Variants in TMEM43 observed in about 807,000 individuals in gnomAD.
TMEM43 encodes transmembrane protein 43.
In TMEM43, 45 loss-of-function variants were observed where a neutral mutation model predicts 49.6. That is an observed-to-expected ratio of 0.91 (90% CI 0.71 to 1.16). The LOEUF (loss-of-function observed/expected upper bound fraction) is 1.16. Ranked by LOEUF, TMEM43 falls within the 50% of genes most tolerant of loss-of-function variation. The pLI is 0.00. For missense variants in TMEM43, 532 were observed against 516.6 expected (o/e 1.03, Z -0.29); for synonymous variants, 199 against 207.8 (o/e 0.96, Z 0.36).
chr3:14,132,300 G>A (rs1695106459), intron 4 of TMEM43, among the ~76,000 whole-genome samples: 1 of 152,012 alleles, frequency 6.6e-6, no homozygotes, highest in African/African-American at 2.4e-5. Context: ...TTGGTGTAAG[G>A]CCAGTGCGGG....
At chr3:14,135,770 G>A (rs751999157) in intron 9 of TMEM43, 37 bp from the exon 10 acceptor site, 1 of 1,578,504 alleles carries the variant, frequency 6.3e-7, no homozygotes, top group East Asian at 2.2e-5. Flanking sequence ...TCTCCCGCTG[G>A]TCACCCCTCA....
chr3:14,126,789 G>C (rs1454904210), intron 1 of TMEM43, among the ~76,000 whole-genome samples: 2 of 152,178 alleles, frequency 1.3e-5, no homozygotes, highest in Non-Finnish European at 2.9e-5. Flanking sequence ...CAGTAGCTGA[G>C]TACACATTTA....
chr3:14,134,190 G>A (rs1169925291), intron 7 of TMEM43, among the ~76,000 whole-genome samples: 3 of 152,198 alleles, frequency 2.0e-5, no homozygotes, highest in Non-Finnish European at 4.4e-5. Context: ...CCCCCTCTCT[G>A]AGTTCCACCT....
chr3:14,142,537 G>C lies in TMEM43; in HGVS notation c.*742G>C, dbSNP rs1695264514. ...GTGTACTTTCCTACCCCAAGAGGAA[G>C]TTTTCTGAAATAAGATTTAAAAACA... is the stretch of plus-strand genomic sequence containing the variant. On this transcript the variant is annotated 3_prime_UTR_variant, in exon 12 of 12. Transcript: ENST00000306077. 6.6e-6 allele frequency: 1 copy of C among 152,384 alleles called. No homozygotes were observed. Among genetic ancestry groups the C allele is most frequent in the African/African-American group, 2.4e-5 (1 of 41,410 alleles). 9.4% of individuals were successfully genotyped at this position (152,384 alleles called of 1,614,324 possible).
At position 14,135,804 on chromosome 3, in the gene TMEM43, C is replaced by A. The variant is rs780142044; in HGVS notation, c.781-3C>A. On this transcript the variant is annotated splice_region_variant and splice_polypyrimidine_tract_variant and intron_variant, in intron 9 of 11. Transcript: ENST00000306077. ...CAGCTCTAACACCAGGTCCTCTGAC[C>A]AGGTCACTGTGATTGCCCGGCAGCG... is the stretch of plus-strand genomic sequence containing the variant. 1 of 1,612,722 alleles carries A rather than the reference C, an allele frequency of 6.2e-7. No homozygotes were observed. The highest frequency in any genetic ancestry group is 1.7e-5 in the Admixed American group (1 of 60,022).
At chr3:14,137,735 T>C (rs1175349061) in intron 10 of TMEM43, 1 of 152,314 alleles carries the variant, frequency 6.6e-6, no homozygotes, top group Non-Finnish European at 1.5e-5. Context: ...GCCTGTTTCC[T>C]CATTTGTGAA....
Position 14,129,395 on chromosome 3 carries a change from T to G in TMEM43, c.13-17T>G. 1 of 1,605,190 alleles carries G rather than the reference T, an allele frequency of 6.2e-7. No homozygotes were observed. Among genetic ancestry groups the G allele is most frequent in the East Asian group, 2.2e-5 (1 of 44,704 alleles). On this transcript the variant is annotated splice_polypyrimidine_tract_variant and intron_variant, in intron 1 of 11. Transcript: ENST00000306077. ...TAAAAACTAGTTTTCATTCTGTTACTGTTTCTTTTTCTTCAGTATTCCAGT... is the reference window on the plus strand; with the variant it reads ...TAAAAACTAGTTTTCATTCTGTTACGGTTTCTTTTTCTTCAGTATTCCAGT...
intron 9 of TMEM43, 84 bp downstream of exon 9, chr3:14,135,316 G>A (rs1042840690): frequency 3.0e-5 from 35 of 1,156,336 alleles, no homozygotes; most frequent in Admixed American, 7.5e-5. Context: ...TGTCAGGAGC[G>A]CTTGGACCCC....
At position 14,142,993 on chromosome 3, in the gene TMEM43, T is replaced by G. The variant is rs1442577108; in HGVS notation, c.*1198T>G. 6.6e-6 allele frequency: 1 copy of G among 152,146 alleles called. No individual in the cohort carries two copies. Among genetic ancestry groups the G allele is most frequent in the Non-Finnish European group, 1.5e-5 (1 of 68,060 alleles). The allele number at this position is 152,146 out of a possible 1,614,324, so 9.4% of individuals were successfully genotyped here. ...CTGCCTGGCTGCTTTCACCTGGGAG[T>G]GCTTTCGATGTGGGCACCTGGGCTT... On this transcript the variant is annotated 3_prime_UTR_variant, in exon 12 of 12. Transcript: ENST00000306077.
At chr3:14,141,138 AATC>A (rs1695240404) in intron 11 of TMEM43, among the ~76,000 whole-genome samples, 1 of 152,180 alleles carries the variant, frequency 6.6e-6, no homozygotes, top group Non-Finnish European at 1.5e-5. Flanking sequence ...TGGGCACATA[AATC>A]ATTAGTAACA....
chr3:14,130,849 T>A lies in TMEM43; in HGVS notation c.190T>A (p.Leu64Met). ...CCGCGCATTGAAGACGGCAACCTCA[T>A]TGGCTGAGGGGCTCTCGCTTGTGGT... ...EGRALKTATS[L>M]AEGLSLVVSP... The change falls in exon 3 of 12, where the codon TTG becomes ATG. Residue 64 changes from leucine (L) to methionine (M), a missense_variant. By Grantham distance (15) the Leu-to-Met change is conservative (BLOSUM62 2). Transcript: ENST00000306077. 3.1e-6 allele frequency: 5 copies of A among 1,613,852 alleles called. No homozygotes were observed. Among genetic ancestry groups the A allele is most frequent in the Non-Finnish European group, 4.2e-6 (5 of 1,179,886 alleles).
At chr3:14,125,280 G>C (rs974519399) in intron 1 of TMEM43, 75 bp downstream of exon 1, 1 of 1,536,190 alleles carries the variant, frequency 6.5e-7, no homozygotes, top group Non-Finnish European at 8.8e-7. Flanking sequence ...GGGTCCTCTA[G>C]GTCCATTTCG....
intron 10 of TMEM43, among the ~76,000 whole-genome samples, chr3:14,136,596 G>C (rs918095655): frequency 6.6e-6 from 1 of 152,138 alleles, no homozygotes; most frequent in Admixed American, 6.5e-5. Flanking sequence ...AAGAATCAGT[G>C]ATCAGTCAGT....
chr3:14,141,778 G>A lies in TMEM43; in HGVS notation c.1186G>A (p.Ala396Thr), dbSNP rs1695251701. 6.2e-7 allele frequency: 1 copy of A among 1,613,548 alleles called. No individual in the cohort carries two copies. The highest frequency in any genetic ancestry group is 8.5e-7 in the Non-Finnish European group (1 of 1,179,984). The change falls in exon 12 of 12, where the codon GCC (alanine) becomes ACC (threonine). Residue 396 changes from alanine (A) to threonine (T), a missense_variant. Physicochemically the swap from Ala to Thr is moderately conservative, Grantham distance 58. Transcript: ENST00000306077. ...CCTTGTTGCTCGGACACGGGTGCCAGCCAAAAAGTTGGAGTGAAAAGACCC... is the reference window on the plus strand; with the variant it reads ...CCTTGTTGCTCGGACACGGGTGCCAACCAAAAAGTTGGAGTGAAAAGACCC... ...PILVARTRVPAKKLE is the reference protein window; with the variant it reads ...PILVARTRVPTKKLE
intron 3 of TMEM43, among the ~76,000 whole-genome samples, chr3:14,131,320 C>T (rs1037187744): frequency 1.3e-5 from 2 of 152,232 alleles, no homozygotes; most frequent in African/African-American, 4.8e-5. Context: ...TATTTGAACA[C>T]CCTGTACGCT....
At chr3:14,137,183 C>T (rs1695180700) in intron 10 of TMEM43, 1 of 149,676 alleles carries the variant, frequency 6.7e-6, no homozygotes. Flanking sequence ...CTGGCCAGGG[C>T]TAGGGTGTGG....
chr3:14,125,308 G>A, intron 1 of TMEM43, 103 bp downstream of exon 1: 2 of 1,396,648 alleles, frequency 1.4e-6, no homozygotes, highest in Non-Finnish European at 2.0e-6. Context: ...GAGCTCCTCC[G>A]TGCGGCTAGG....
chr3:14,133,746 G>A lies in TMEM43; in HGVS notation c.520G>A (p.Ala174Thr), dbSNP rs397517385. 8 of 1,614,054 alleles carry A rather than the reference G, an allele frequency of 5.0e-6. No homozygotes were observed. The highest frequency in any genetic ancestry group is 1.6e-4 in the Middle Eastern group (1 of 6,084). ...EIGHKNPSAM[A>T]VESFMATAPF... is the part of the protein sequence containing the mutation. ...GCTTCCTCTCTCCCACAGTGCCATGGCAGTGGAGTCATTCATGGCAACAGC... is the reference window on the plus strand; with the variant it reads ...GCTTCCTCTCTCCCACAGTGCCATGACAGTGGAGTCATTCATGGCAACAGC... The change falls in exon 7 of 12, where the codon GCA becomes ACA. Residue 174 changes from alanine (A) to threonine (T), a missense_variant. Coordinates refer to ENST00000306077, the MANE Select transcript of TMEM43 (RefSeq NM_024334.3).
chr3:14,135,390 T>G (rs1695155644), intron 9 of TMEM43, among the ~76,000 whole-genome samples, 158 bp downstream of exon 9: 1 of 152,124 alleles, frequency 6.6e-6, no homozygotes, highest in Non-Finnish European at 1.5e-5. Flanking sequence ...CTGAGCAGTT[T>G]CAGAGCTCCC....
Sources: allele counts gnomAD v4.1 joint callset (sites outside exome capture counted in the v4.1 genomes callset), GRCh38; gene constraint gnomAD v4.1.1; transcripts MANE v1.5; gene names NCBI Gene and HGNC (gene_info 2026-07-23, HGNC 2026-07-21).